The following XIAP variants were observed in gnomAD, a reference collection of about 807,000 sequenced individuals.
XIAP encodes the protein E3 ubiquitin-protein ligase XIAP.
In XIAP, 3 loss-of-function variants were observed where a neutral mutation model predicts 33.1. The observed-to-expected ratio is 0.09, with a 90% CI of 0.04 to 0.23. The LOEUF is 0.23. Among genes scored for constraint, XIAP ranks in the 10% least tolerant of loss-of-function variants. The pLI, the probability that XIAP is intolerant of heterozygous loss-of-function variation, is 1.00. For synonymous variants in XIAP, 98 were observed against 121.3 expected, an observed-to-expected ratio of 0.81 and a Z score of 1.26; for missense variants, 264 against 363.0, an observed-to-expected ratio of 0.73 and a Z score of 2.22.
chrX:123,890,031 T>G (rs1413564359), intron 3 of XIAP, among the ~76,000 whole-genome samples: 1 of 49,132 alleles, frequency 2.0e-5, no homozygotes, highest in Non-Finnish European at 3.5e-5. Context: ...TTTTTTTTTT[T>G]TTTGAGACGG....
chrX:123,864,991 CTTTTT>C (rs35693982), intron 1 of XIAP, among the ~76,000 whole-genome samples: 23 of 89,201 alleles, frequency 2.6e-4, no homozygotes, highest in Admixed American at 2.6e-4. Context: ...CGCCTTTCTT[CTTTTT>C]TTTTTTTTTT....
chrX:123,868,933 G>A (rs968047246), intron 1 of XIAP, among the ~76,000 whole-genome samples: 7 of 110,972 alleles, frequency 6.3e-5, no homozygotes, highest in African/African-American at 2.3e-4. Flanking sequence ...TTTGATTTTG[G>A]TATGATTTGG....
intron 5 of XIAP, among the ~76,000 whole-genome samples, chrX:123,899,978 A>G (rs1449234284): frequency 8.9e-6 from 1 of 111,826 alleles, no homozygotes; most frequent in African/African-American, 3.2e-5. Flanking sequence ...GTATCATAAA[A>G]ACAAGTTTCC....
At chrX:123,900,762 C>T in intron 6 of XIAP, 69 bp downstream of exon 6, 1 of 997,707 alleles carries the variant, frequency 1.0e-6, no homozygotes, top group Non-Finnish European at 1.4e-6. Context: ...AATCCCAGCA[C>T]TTTGGGAGGC....
At chrX:123,900,860 C>G (rs1319257816) in intron 6 of XIAP, among the ~76,000 whole-genome samples, 167 bp downstream of exon 6, 1 of 111,854 alleles carries the variant, frequency 8.9e-6, no homozygotes, top group Non-Finnish European at 1.9e-5. Flanking sequence ...ATTCCATAGA[C>G]TAGGTGTCTT....
At chrX:123,875,813 G>A (rs1416171481) in intron 1 of XIAP, among the ~76,000 whole-genome samples, 2 of 110,224 alleles carry the variant, frequency 1.8e-5, no homozygotes, top group Non-Finnish European at 3.8e-5. Flanking sequence ...AGCCTCCCGA[G>A]TAGCTGGGAT....
rs2053349352 is a variant in XIAP, at chrX:123,886,148, T to C, written c.486T>C (p.Ser162=). ...ACCCGAGGAACCCTGCCATGTATAG[T>C]GAAGAAGCTAGATTAAAGTCCTTTC... ...TIYPRNPAMY[S]EEARLKSFQN... The change falls in exon 2 of 7, where the codon AGT becomes AGC. Residue 162 remains serine (S), a synonymous_variant. Transcript: ENST00000371199. 1.7e-6 allele frequency: 2 copies of C among 1,211,820 alleles called. No individual in the cohort carries two copies. Among genetic ancestry groups the C allele is most frequent in the Non-Finnish European group, 2.2e-6 (2 of 895,603 alleles).
Position 123,907,529 on chromosome X carries a change from C to G in XIAP, c.*348C>G, listed in dbSNP as rs1198694552. 1 of 380,618 alleles carries G rather than the reference C, an allele frequency of 2.6e-6. No homozygotes were observed. The highest frequency in any genetic ancestry group is 4.8e-6 in the Non-Finnish European group (1 of 206,521). The allele number at this position is 380,618 out of a possible 1,213,427, so 31.4% of individuals were successfully genotyped here. A position where few individuals can be genotyped will look rare whatever the true frequency, so the allele number is the denominator to read the frequency against. Reference sequence around the variant, plus strand: ...GGATTTTTTATTCTTTTCAGATAGGCTTAACAAATGGAGCTTTCTGTATAT... The same window carrying G: ...GGATTTTTTATTCTTTTCAGATAGGGTTAACAAATGGAGCTTTCTGTATAT... On this transcript the variant is annotated 3_prime_UTR_variant, in exon 7 of 7. Coordinates refer to ENST00000371199, the MANE Select transcript of XIAP (RefSeq NM_001167.4).
At chrX:123,898,425 C>T (rs1602555585) in intron 5 of XIAP, among the ~76,000 whole-genome samples, 3 of 111,481 alleles carry the variant, frequency 2.7e-5, no homozygotes. Context: ...TGCAGTGGCG[C>T]GATCTCGGCT....
chrX:123,880,753 A>G (rs1248933530), intron 1 of XIAP, among the ~76,000 whole-genome samples: 1 of 107,937 alleles, frequency 9.3e-6, no homozygotes, highest in East Asian at 2.9e-4. Context: ...AAAAAAAAAA[A>G]AAAGGGAGAA....
chrX:123,885,618 G>A lies in XIAP; in HGVS notation c.-32-13G>A. 1.7e-6 allele frequency: 2 copies of A among 1,188,458 alleles called. No individual in the cohort carries two copies. The highest frequency in any genetic ancestry group is 2.3e-6 in the Non-Finnish European group (2 of 881,532). On this transcript the variant is annotated splice_polypyrimidine_tract_variant and intron_variant, in intron 1 of 6. Coordinates refer to ENST00000371199, the MANE Select transcript of XIAP (RefSeq NM_001167.4). ...CACATTTTGGATTTCCTAATATAAT[G>A]TTCTCTTTTTAGAAAAGGTGGACAA...
intron 1 of XIAP, among the ~76,000 whole-genome samples, chrX:123,872,459 G>A (rs1186428109): frequency 9.1e-6 from 1 of 110,130 alleles, no homozygotes. Context: ...AGGCTGAGGC[G>A]GGCAGATCAC....
Position 123,907,794 on chromosome X carries a change from T to C in XIAP, c.*613T>C, listed in dbSNP as rs1333659599. 2.6e-6 allele frequency: 1 copy of C among 379,546 alleles called. No homozygotes were observed. The highest frequency in any genetic ancestry group is 5.0e-6 in the Non-Finnish European group (1 of 201,630). The allele number at this position is 379,546 out of a possible 1,213,427, so 31.3% of individuals were successfully genotyped here. A position where few individuals can be genotyped will look rare whatever the true frequency, so the allele number is the denominator to read the frequency against. ...GATAGAATACTATCGAGCCAACATG[T>C]ACTGACATGGAAAGATGTCAAAGAT... On this transcript the variant is annotated 3_prime_UTR_variant, in exon 7 of 7. Coordinates refer to ENST00000371199, the MANE Select transcript of XIAP (RefSeq NM_001167.4).
chrX:123,875,903 C>G (rs776228078), intron 1 of XIAP, among the ~76,000 whole-genome samples: 23 of 112,017 alleles, frequency 2.1e-4, no homozygotes, highest in African/African-American at 7.4e-4. Flanking sequence ...CCAGGCTGGT[C>G]TTGAACTCCC....
chrX:123,870,767 G>A (rs2053186401), intron 1 of XIAP, among the ~76,000 whole-genome samples: 1 of 111,140 alleles, frequency 9.0e-6, no homozygotes, highest in Admixed American at 9.7e-5. Context: ...CAGTCTGGGC[G>A]ATAGAGCAAG....
intron 1 of XIAP, among the ~76,000 whole-genome samples, chrX:123,866,562 T>G (rs1275447162): frequency 3.0e-5 from 3 of 100,367 alleles, no homozygotes; most frequent in Non-Finnish European, 6.0e-5. Flanking sequence ...ATGTATGATA[T>G]ATATAATATA....
intron 1 of XIAP, among the ~76,000 whole-genome samples, chrX:123,860,953 A>G (rs2148066274): frequency 8.9e-6 from 1 of 111,870 alleles, no homozygotes. Flanking sequence ...GTTTGCTTTC[A>G]AATATAATTA....
intron 2 of XIAP, among the ~76,000 whole-genome samples, chrX:123,887,812 C>T (rs985152299): frequency 8.3e-5 from 9 of 108,938 alleles, no homozygotes; most frequent in Admixed American, 5.0e-4. Context: ...GGTGAAACCC[C>T]GTCTCTACTA....
At chrX:123,893,857 A>G (rs774787577) in intron 5 of XIAP, among the ~76,000 whole-genome samples, 6 of 111,621 alleles carry the variant, frequency 5.4e-5, no homozygotes, top group African/African-American at 1.9e-4. Context: ...AAAATAAAAG[A>G]AAAAAAAATC....
Sources: allele counts gnomAD v4.1 joint callset (sites outside exome capture counted in the v4.1 genomes callset), GRCh38; gene constraint gnomAD v4.1.1; transcripts MANE v1.5; gene names NCBI Gene and HGNC (gene_info 2026-07-23, HGNC 2026-07-21).